Variants in RLF observed in about 807,000 individuals in gnomAD.
RLF encodes the protein zinc finger protein Rlf.
Under a neutral mutation model 162.9 loss-of-function variants are expected in RLF, and 7 were observed. The ratio of observed to expected loss-of-function variants is 0.04; its 90% CI spans 0.02 to 0.08. The LOEUF (loss-of-function observed/expected upper bound fraction) is 0.08, where lower values mean the gene tolerates loss of function less well. Ranked by LOEUF, RLF falls within the 10% of genes least tolerant of loss-of-function variation. RLF has a pLI of 1.00. For synonymous variants in RLF, 782 were observed against 791.5 expected (o/e 0.99, Z 0.20); for missense variants, 1,664 against 2,244.7 (o/e 0.74, Z 5.23).
intron 1 of RLF, among the ~76,000 whole-genome samples, chr1:40,165,000 T>G (rs1642146057): frequency 6.6e-6 from 1 of 152,250 alleles, no homozygotes; most frequent in African/African-American, 2.4e-5. Flanking sequence ...GAAATAGTTG[T>G]GTGACCTTGG....
chr1:40,223,033 G>A (rs1479030787), intron 6 of RLF, among the ~76,000 whole-genome samples: 2 of 151,816 alleles, frequency 1.3e-5, no homozygotes, highest in African/African-American at 4.8e-5. Flanking sequence ...GTATCTTCTG[G>A]GTAGTCACTC....
chr1:40,195,792 G>T, intron 4 of RLF, 28 bp downstream of exon 4: 1 of 1,591,006 alleles, frequency 6.3e-7, no homozygotes, highest in Non-Finnish European at 8.6e-7. Context: ...ATTGGATGAG[G>T]ATTTAGTTCT....
chr1:40,171,275 C>G (rs1269577370), intron 1 of RLF, among the ~76,000 whole-genome samples: 1 of 152,108 alleles, frequency 6.6e-6, no homozygotes, highest in Non-Finnish European at 1.5e-5. Context: ...GTGATCCTCC[C>G]ACCTCAGCCT....
At chr1:40,181,266 C>CT (rs1220696344) in intron 1 of RLF, among the ~76,000 whole-genome samples, 1 of 151,976 alleles carries the variant, frequency 6.6e-6, no homozygotes, top group Non-Finnish European at 1.5e-5. Context: ...CCCATCTCTA[C>CT]TAAAAATACA....
At chr1:40,224,928 A>G (rs1643048439) in intron 6 of RLF, among the ~76,000 whole-genome samples, 1 of 151,856 alleles carries the variant, frequency 6.6e-6, no homozygotes, top group Non-Finnish European at 1.5e-5. Context: ...CGGAGGTTGC[A>G]GTGAGCCGAG....
intron 1 of RLF, among the ~76,000 whole-genome samples, chr1:40,185,075 A>AAAAT (rs1642455875): frequency 2.0e-5 from 3 of 152,080 alleles, no homozygotes; most frequent in Non-Finnish European, 2.9e-5. Flanking sequence ...GTCCCTACAA[A>AAAAT]AAAAAAGTTT....
intron 5 of RLF, among the ~76,000 whole-genome samples, chr1:40,218,432 A>G (rs1341640996): frequency 6.6e-6 from 1 of 152,206 alleles, no homozygotes; most frequent in African/African-American, 2.4e-5. Flanking sequence ...CCCCCAGTGT[A>G]TGATTTAGCT....
rs1160609098 is a variant in RLF at position 40,240,084 on chromosome 1, G to A, written c.5382G>A (p.Glu1794=). 6.2e-7 allele frequency: 1 copy of A among 1,613,908 alleles called. No individual in the cohort carries two copies. The highest frequency in any genetic ancestry group is 1.3e-5 in the African/African-American group (1 of 74,938). The change falls in exon 8 of 8, where the codon GAG becomes GAA. Residue 1794 remains glutamate, a synonymous_variant. Coordinates refer to ENST00000372771, the MANE Select transcript of RLF (RefSeq NM_012421.4). ...ATTTTGATGATTGGGAGCCTTCAGA[G>A]CACTTAACATTAAGTAATTCTTCAC... ...EDDFDDWEPS[E]HLTLSNSSQS...
chr1:40,214,918 CAAAAAAAA>C (rs34756935), intron 5 of RLF, among the ~76,000 whole-genome samples: 7 of 14,394 alleles, frequency 4.9e-4, no homozygotes, highest in African/African-American at 9.1e-4. Context: ...GAGCCTGTCT[CAAAAAAAA>C]AAAAAAAAAA....
chr1:40,200,894 AC>A (rs1642704215), intron 4 of RLF, among the ~76,000 whole-genome samples: 3 of 114,076 alleles, frequency 2.6e-5, no homozygotes, highest in African/African-American at 1.2e-4. Context: ...ACACACACAC[AC>A]ACACACACAC....
chr1:40,220,959 T>G (rs1642985066), intron 5 of RLF, among the ~76,000 whole-genome samples: 1 of 144,246 alleles, frequency 6.9e-6, no homozygotes, highest in Admixed American at 7.0e-5. Context: ...AGACCTCATC[T>G]CTACAAAAAT....
At chr1:40,178,242 C>T (rs983065222) in intron 1 of RLF, among the ~76,000 whole-genome samples, 1 of 152,046 alleles carries the variant, frequency 6.6e-6, no homozygotes, top group African/African-American at 2.4e-5. Flanking sequence ...ATGTGTGTCT[C>T]ATTCTGGATT....
intron 4 of RLF, 97 bp from the exon 5 acceptor site, chr1:40,202,315 C>T: frequency 1.3e-6 from 1 of 766,932 alleles, no homozygotes; most frequent in Non-Finnish European, 2.0e-6. Flanking sequence ...TTTTTATTAA[C>T]TAAAAATCAA....
chr1:40,185,094 T>G (rs1015400755), intron 1 of RLF, among the ~76,000 whole-genome samples: 2 of 151,948 alleles, frequency 1.3e-5, no homozygotes, highest in Non-Finnish European at 2.9e-5. Context: ...TTTTTTTAAT[T>G]GGCTGGGCAT....
At chr1:40,185,826 CAAAAAAAAAAAAAAAGCAAAAAAAA>C (rs1319892867) in intron 1 of RLF, among the ~76,000 whole-genome samples, 6 of 30,286 alleles carry the variant, frequency 2.0e-4, no homozygotes, top group Non-Finnish European at 2.4e-4. Context: ...GAGACTGTCT[CAAAAAAAAAAAAAAAGCAAAAAAAA>C]AAAAAAAAAA....
In RLF at chr1:40,201,558, G is replaced by A. The variant is rs188158717; in HGVS notation, c.608-854G>A. Among the ~76,000 whole-genome samples the A allele has an allele frequency of 4.8e-3, 730 of 150,628 alleles. 5 individuals carry two copies. The highest frequency in any genetic ancestry group is 0.017 in the African/African-American group (684 of 40,970). On this transcript the variant is annotated intron_variant, in intron 4 of 7. Coordinates refer to ENST00000372771, the MANE Select transcript of RLF (RefSeq NM_012421.4). ...GGAGAATGGCGTGAACCCGGGAGGCGGAGCTTGCAGTGAGCCAAGATCGCG... is the reference window on the plus strand; with the variant it reads ...GGAGAATGGCGTGAACCCGGGAGGCAGAGCTTGCAGTGAGCCAAGATCGCG...
chr1:40,233,001 G>A (rs1210142442), intron 7 of RLF, among the ~76,000 whole-genome samples: 1 of 150,110 alleles, frequency 6.7e-6, no homozygotes, highest in African/African-American at 2.5e-5. Context: ...GGTGTAAGCT[G>A]CCCCACCTGC....
In RLF at chr1:40,221,321, GAA is replaced by G. The variant is rs141901075; in HGVS notation, c.811-1244_811-1243del. Among the ~76,000 whole-genome samples the G allele has an allele frequency of 9.0e-5, 13 of 143,914 alleles. 1 individual carries two copies. Among genetic ancestry groups the G allele is most frequent in the East Asian group, 4.0e-4 (2 of 4,982 alleles). 94.4% of individuals were successfully genotyped at this position (143,914 alleles called of 152,430 possible). A position where few individuals can be genotyped will look rare whatever the true frequency, so the allele number is the denominator to read the frequency against. Reference sequence around the variant, plus strand: ...TTACAGATTTGTCATGTTGAGATATGAAAAAAAAAACAAGATAATACAGTAAA... The same window carrying G: ...TTACAGATTTGTCATGTTGAGATATGAAAAAAAACAAGATAATACAGTAAA... On this transcript the variant is annotated intron_variant, in intron 5 of 7. Transcript: ENST00000372771.
chr1:40,230,815 TTC>T (rs1206148288), intron 6 of RLF, among the ~76,000 whole-genome samples: 1 of 152,222 alleles, frequency 6.6e-6, no homozygotes, highest in Non-Finnish European at 1.5e-5. Context: ...ACATTTTACA[TTC>T]TCTCATTAGC....
Sources: gnomAD v4.1 joint callset for allele counts (sites outside exome capture counted in the v4.1 genomes callset) on GRCh38, gnomAD v4.1.1 for gene constraint, MANE v1.5 for transcripts, NCBI Gene and HGNC (gene_info 2026-07-23, HGNC 2026-07-21) for gene names.